Variants in HPSE2 observed in about 807,000 individuals in gnomAD.
HPSE2 encodes the protein heparanase 2 (inactive).
HPSE2 carries 38 observed loss-of-function variants against 60.5 expected under a neutral mutation model. The ratio of observed to expected loss-of-function variants is 0.63; its 90% CI spans 0.48 to 0.82. HPSE2 has a LOEUF of 0.82. HPSE2 is among the 40% of genes least tolerant of loss of function. HPSE2 has a pLI of 0.00. For missense variants in HPSE2, 713 were observed against 740.4 expected (o/e 0.96, Z 0.43); for synonymous variants, 295 against 293.2 (o/e 1.01, Z -0.06).
chr10:99,068,413 G>A (rs1018934812), intron 3 of HPSE2, among the ~76,000 whole-genome samples: 6 of 152,212 alleles, frequency 3.9e-5, no homozygotes, highest in Non-Finnish European at 7.3e-5. Flanking sequence ...GAAGGCAAAT[G>A]AGGAGCAAAG....
At chr10:98,634,930 G>A (rs1340997758) in intron 7 of HPSE2, among the ~76,000 whole-genome samples, 3 of 152,166 alleles carry the variant, frequency 2.0e-5, no homozygotes, top group African/African-American at 4.8e-5. Flanking sequence ...CACTTTCTCT[G>A]AGAGGACTTC....
At chr10:99,172,153 T>A (rs1467361204) in intron 2 of HPSE2, among the ~76,000 whole-genome samples, 1 of 152,160 alleles carries the variant, frequency 6.6e-6, no homozygotes, top group Admixed American at 6.5e-5. Flanking sequence ...GAGCCTAGTA[T>A]CCAAGAGTTA....
the HPSE2 span, among the ~76,000 whole-genome samples, chr10:99,268,872 G>A: frequency 3.4e-4 from 52 of 151,972 alleles, no homozygotes; most frequent in Middle Eastern, 3.4e-3. Context: ...AAGAATTCAC[G>A]GGCCAGGCAT....
intron 6 of HPSE2, among the ~76,000 whole-genome samples, chr10:98,689,542 T>A (rs932426257): frequency 6.6e-6 from 1 of 152,248 alleles, no homozygotes; most frequent in Admixed American, 6.5e-5. Flanking sequence ...TGAGTTATAA[T>A]AGCTTCTTTA....
At chr10:98,981,349 GAT>G (rs1263345732) in intron 3 of HPSE2, among the ~76,000 whole-genome samples, 2 of 152,116 alleles carry the variant, frequency 1.3e-5, no homozygotes, top group African/African-American at 4.8e-5. Context: ...GAGTCAATGT[GAT>G]ATAAATAGGA....
At chr10:98,587,782 G>T (rs2133935804) in intron 9 of HPSE2, among the ~76,000 whole-genome samples, 1 of 152,172 alleles carries the variant, frequency 6.6e-6, no homozygotes, top group Admixed American at 6.5e-5. Flanking sequence ...TTGAGTAAAG[G>T]CTTATGCTAA....
chr10:98,460,271 T>G (rs1940229894), intron 11 of HPSE2, among the ~76,000 whole-genome samples: 1 of 152,218 alleles, frequency 6.6e-6, no homozygotes, highest in African/African-American at 2.4e-5. Flanking sequence ...TTACCTTGCT[T>G]GTCTAAGGTT....
intron 2 of HPSE2, among the ~76,000 whole-genome samples, chr10:99,181,409 A>C (rs79168084): frequency 3.4e-4 from 15 of 44,694 alleles, no homozygotes; most frequent in Non-Finnish European, 2.3e-4. Context: ...AAAAAAAAAA[A>C]AAAAAAAAAA....
chr10:99,197,091 A>T (rs373764472), intron 2 of HPSE2, among the ~76,000 whole-genome samples: 6 of 152,314 alleles, frequency 3.9e-5, no homozygotes, highest in African/African-American at 1.4e-4. Context: ...GGAAATAGAA[A>T]TCATTATGTT....
At chr10:98,485,355 T>A (rs1941401496) in intron 10 of HPSE2, among the ~76,000 whole-genome samples, 1 of 152,208 alleles carries the variant, frequency 6.6e-6, no homozygotes, top group African/African-American at 2.4e-5. Flanking sequence ...TTTTTTTGCA[T>A]CTGCAGGAGG....
Position 98,580,328 on chromosome 10 carries a change from G to A in HPSE2, c.1320+34576C>T, listed in dbSNP as rs575399136. The stretch of plus-strand genomic sequence containing the variant: ...ATATTCAGTTATGGGATATTTTCTT[G>A]CATTATTTCCTTGATCATTTTCTCT... On this transcript the variant is annotated intron_variant, in intron 9 of 11. Transcript: ENST00000370552. Among the ~76,000 whole-genome samples the A allele has an allele frequency of 2.0e-5, 3 of 146,442 alleles. No individual in the cohort carries two copies. In the East Asian group the frequency reaches 6.1e-4, roughly 30 times the overall value.
chr10:99,183,516 C>A (rs2796760), intron 2 of HPSE2, among the ~76,000 whole-genome samples: 22,189 of 152,194 alleles, frequency 0.15, 1,964 homozygotes, highest in Admixed American at 0.22. Context: ...ACAAGATCAC[C>A]ACACTACATG....
intron 3 of HPSE2, among the ~76,000 whole-genome samples, chr10:98,749,840 A>C (rs1288583382): frequency 2.0e-5 from 3 of 149,336 alleles, no homozygotes; most frequent in African/African-American, 7.3e-5. Context: ...CCATAGTTTC[A>C]ACTTATGATG....
chr10:98,679,721 G>T (rs1468328496), intron 6 of HPSE2, among the ~76,000 whole-genome samples: 1 of 152,128 alleles, frequency 6.6e-6, no homozygotes, highest in African/African-American at 2.4e-5. Flanking sequence ...ATAGGGTCTT[G>T]CTCTGTTGCC....
chr10:99,098,853 G>A (rs1033321208), intron 3 of HPSE2, among the ~76,000 whole-genome samples: 2 of 152,094 alleles, frequency 1.3e-5, no homozygotes, highest in Non-Finnish European at 2.9e-5. Context: ...ACCTGCATAG[G>A]CTGACTAAAG....
chr10:99,047,875 C>G, intron 3 of HPSE2: 1 of 768,716 alleles, frequency 1.3e-6, no homozygotes, highest in East Asian at 2.4e-5. Context: ...GAAAAGCTGG[C>G]AACTTTAATG....
intron 9 of HPSE2, among the ~76,000 whole-genome samples, chr10:98,515,983 T>C (rs1942588457): frequency 6.6e-6 from 1 of 152,242 alleles, no homozygotes; most frequent in South Asian, 2.1e-4. Context: ...GGGTTTCTTT[T>C]GTACTCCACC....
chr10:98,919,995 G>A (rs1282051117), intron 3 of HPSE2, among the ~76,000 whole-genome samples: 1 of 152,172 alleles, frequency 6.6e-6, no homozygotes, highest in Non-Finnish European at 1.5e-5. Flanking sequence ...CAGATCTCCT[G>A]TCAAGAGAAC....
At chr10:98,721,619 G>A (rs1238306571) in intron 5 of HPSE2, 38 bp downstream of exon 5, 3 of 1,565,362 alleles carry the variant, frequency 1.9e-6, no homozygotes, top group Non-Finnish European at 2.6e-6. Context: ...TTCATTAAAT[G>A]AACAATGTCA....
Sources: gnomAD v4.1 joint callset for allele counts (sites outside exome capture counted in the v4.1 genomes callset) on GRCh38, gnomAD v4.1.1 for gene constraint, MANE v1.5 for transcripts, NCBI Gene and HGNC (gene_info 2026-07-23, HGNC 2026-07-21) for gene names.